Variants in SPMAP2L observed in about 807,000 individuals in gnomAD.
The protein encoded by SPMAP2L is sperm microtubule associated protein 2 like.
the SPMAP2L span, chr4:56,575,645 AGAGT>A: frequency 6.5e-7 from 1 of 1,534,782 alleles, no homozygotes. Flanking sequence ...CTAAATAGGT[AGAGT>A]ATCTTGAGAA....
chr4:56,596,623 A>G, the SPMAP2L span: 2 of 1,519,644 alleles, frequency 1.3e-6, no homozygotes, highest in Admixed American at 2.2e-5. Context: ...TGAACTGCCC[A>G]TCCGTCCTGT....
the SPMAP2L span, among the ~76,000 whole-genome samples, chr4:56,620,661 A>T: frequency 1.3e-5 from 2 of 152,248 alleles, no homozygotes; most frequent in Non-Finnish European, 2.9e-5. Context: ...CTGGGATTAC[A>T]GGCGTGAGCC....
the SPMAP2L span, among the ~76,000 whole-genome samples, chr4:56,624,382 T>G: frequency 6.6e-6 from 1 of 152,154 alleles, no homozygotes; most frequent in African/African-American, 2.4e-5. Flanking sequence ...GCCCATTTTT[T>G]GAGGAGAAAT....
chr4:56,545,628 C>T, the SPMAP2L span, among the ~76,000 whole-genome samples: 22 of 146,342 alleles, frequency 1.5e-4, 1 homozygote, highest in African/African-American at 3.8e-4. Flanking sequence ...GACTGAGGCA[C>T]GAGAATCGCT....
the SPMAP2L span, among the ~76,000 whole-genome samples, chr4:56,587,662 G>A: frequency 6.6e-6 from 1 of 152,038 alleles, no homozygotes; most frequent in African/African-American, 2.4e-5. Flanking sequence ...TCCTTTTTAT[G>A]GCTGAGTAGT....
At chr4:56,584,532 G>A in the SPMAP2L span, 40 of 1,535,244 alleles carry the variant, frequency 2.6e-5, no homozygotes, top group Non-Finnish European at 2.8e-5. Context: ...GATTCTCTTC[G>A]AATCTCTGAT....
the SPMAP2L span, among the ~76,000 whole-genome samples, chr4:56,543,929 T>TGAGAGA: frequency 1.5e-5 from 2 of 131,358 alleles, no homozygotes; most frequent in African/African-American, 6.4e-5. Flanking sequence ...TGTGTGTATG[T>TGAGAGA]GAGAGAGAGA....
the SPMAP2L span, among the ~76,000 whole-genome samples, chr4:56,582,424 C>T: frequency 0.048 from 7,258 of 152,086 alleles, 223 homozygotes; most frequent in Non-Finnish European, 0.077. Flanking sequence ...AAAAGATATA[C>T]AAATAGACAA....
chr4:56,542,454 CT>C, the SPMAP2L span, among the ~76,000 whole-genome samples: 2,083 of 141,922 alleles, frequency 0.015, 29 homozygotes, highest in African/African-American at 0.037. Context: ...GTTAATTTAC[CT>C]TTTTTTTTTT....
the SPMAP2L span, among the ~76,000 whole-genome samples, chr4:56,581,288 C>T: frequency 6.6e-6 from 1 of 152,070 alleles, no homozygotes; most frequent in African/African-American, 2.4e-5. Context: ...AACCTCGTCT[C>T]TACTAAAAAT....
chr4:56,584,753 C>T, the SPMAP2L span: 1 of 636,626 alleles, frequency 1.6e-6, no homozygotes, highest in East Asian at 2.8e-5. Flanking sequence ...TCTTCCATGC[C>T]TAATGTATCA....
the SPMAP2L span, among the ~76,000 whole-genome samples, chr4:56,582,070 A>C: frequency 6.6e-6 from 1 of 152,230 alleles, no homozygotes; most frequent in South Asian, 2.1e-4. Flanking sequence ...ACTCATAGAG[A>C]AAAACACAGG....
At chr4:56,563,217 C>T in the SPMAP2L span, among the ~76,000 whole-genome samples, 4 of 150,386 alleles carry the variant, frequency 2.7e-5, no homozygotes, top group African/African-American at 7.4e-5. Flanking sequence ...CTCAGCCTCC[C>T]GAGAAGCTAG....
chr4:56,572,233 G>A, the SPMAP2L span, among the ~76,000 whole-genome samples: 4 of 152,134 alleles, frequency 2.6e-5, no homozygotes, highest in Non-Finnish European at 5.9e-5. Flanking sequence ...TGTATGTGCT[G>A]GTAGGTTTGT....
At chr4:56,609,408 T>C in the SPMAP2L span, among the ~76,000 whole-genome samples, 4 of 152,206 alleles carry the variant, frequency 2.6e-5, no homozygotes, top group Non-Finnish European at 5.9e-5. Context: ...GGGAGTTTGC[T>C]TCAAACTAAT....
At chr4:56,550,203 G>T in the SPMAP2L span, among the ~76,000 whole-genome samples, 1 of 151,982 alleles carries the variant, frequency 6.6e-6, no homozygotes, top group South Asian at 2.1e-4. Flanking sequence ...GCCCAGGCTG[G>T]TCCCAAATTC....
the SPMAP2L span, among the ~76,000 whole-genome samples, chr4:56,616,922 A>G: frequency 1.3e-5 from 2 of 152,126 alleles, no homozygotes; most frequent in African/African-American, 4.8e-5. Flanking sequence ...CAAGAGATCT[A>G]CCCCCTTAAC....
the SPMAP2L span, among the ~76,000 whole-genome samples, chr4:56,597,803 C>T: frequency 6.6e-6 from 1 of 152,112 alleles, no homozygotes. Context: ...AGAACACTTT[C>T]AAGACTACTG....
At chr4:56,550,966 A>T in the SPMAP2L span, among the ~76,000 whole-genome samples, 1 of 152,044 alleles carries the variant, frequency 6.6e-6, no homozygotes, top group Non-Finnish European at 1.5e-5. Flanking sequence ...CAGAAAAAAA[A>T]AAAAGGCTGA....
Sources: gnomAD v4.1 joint callset for allele counts (sites outside exome capture counted in the v4.1 genomes callset) on GRCh38, gnomAD v4.1.1 for gene constraint, MANE v1.5 for transcripts, NCBI Gene and HGNC (gene_info 2026-07-23, HGNC 2026-07-21) for gene names.